ADAMTS12: variants seen among roughly 807,000 people sequenced by gnomAD.
ADAMTS12 encodes the protein A disintegrin and metalloproteinase with thrombospondin motifs 12.
ADAMTS12 carries 118 observed loss-of-function variants against 167.8 expected under a neutral mutation model. The observed-to-expected ratio is 0.70, with a 90% confidence interval of 0.61 to 0.82. The LOEUF is 0.82. Among genes scored for constraint, ADAMTS12 ranks in the 40% least tolerant of loss-of-function variants. The probability of loss-of-function intolerance (pLI) is 0.00; values close to 1 mark genes in which losing one functional copy is unlikely to be tolerated. For missense variants in ADAMTS12, 1,916 were observed against 1,998.8 expected (o/e 0.96, Z 0.79); for synonymous variants, 704 against 716.9 (o/e 0.98, Z 0.29).
At chr5:33,548,879 G>A (rs979155356) in intron 21 of ADAMTS12, among the ~76,000 whole-genome samples, 4 of 152,166 alleles carry the variant, frequency 2.6e-5, no homozygotes, top group South Asian at 2.1e-4. Context: ...CATCAGATTC[G>A]TCCTTGTTCA....
intron 3 of ADAMTS12, among the ~76,000 whole-genome samples, chr5:33,737,110 C>T (rs940427199): frequency 6.6e-6 from 1 of 152,124 alleles, no homozygotes. Context: ...CAAGTACCTG[C>T]GTTCTGTTTG....
chr5:33,838,947 A>G (rs1748636260), intron 2 of ADAMTS12, among the ~76,000 whole-genome samples: 1 of 152,210 alleles, frequency 6.6e-6, no homozygotes, highest in Admixed American at 6.5e-5. Context: ...CTTCTGCTGG[A>G]TAAAAAACGA....
chr5:33,709,078 T>C (rs1211174519), intron 3 of ADAMTS12, among the ~76,000 whole-genome samples: 1 of 152,132 alleles, frequency 6.6e-6, no homozygotes, highest in Non-Finnish European at 1.5e-5. Context: ...AGAAGACATT[T>C]ATGCAGCCAA....
intron 2 of ADAMTS12, among the ~76,000 whole-genome samples, chr5:33,873,093 G>A (rs984737727): frequency 6.7e-6 from 1 of 148,802 alleles, no homozygotes; most frequent in East Asian, 2.0e-4. Context: ...ACAAGAAAAG[G>A]AAATATAAGT....
At chr5:33,535,313 T>C (rs1297765230) in intron 22 of ADAMTS12, among the ~76,000 whole-genome samples, 2 of 152,176 alleles carry the variant, frequency 1.3e-5, no homozygotes, top group Non-Finnish European at 2.9e-5. Context: ...GGAACCTACG[T>C]TGGTGCCGTT....
chr5:33,720,680 C>T (rs1213167088), intron 3 of ADAMTS12, among the ~76,000 whole-genome samples: 2 of 152,160 alleles, frequency 1.3e-5, no homozygotes, highest in African/African-American at 4.8e-5. Context: ...AGTTTGTCAT[C>T]CTGGTCCTAG....
intron 9 of ADAMTS12, among the ~76,000 whole-genome samples, chr5:33,644,218 C>T (rs1740579375): frequency 6.6e-6 from 1 of 152,166 alleles, no homozygotes; most frequent in Non-Finnish European, 1.5e-5. Context: ...TTTTGCCTCT[C>T]CTTTCTCTCC....
At chr5:33,849,469 ATATG>A (rs1205182219) in intron 2 of ADAMTS12, among the ~76,000 whole-genome samples, 21 of 143,256 alleles carry the variant, frequency 1.5e-4, no homozygotes, top group African/African-American at 5.7e-4. Flanking sequence ...CAATATATAT[ATATG>A]TATTGCACAG....
intron 2 of ADAMTS12, among the ~76,000 whole-genome samples, chr5:33,857,246 GC>G (rs1435898572): frequency 6.6e-6 from 1 of 152,158 alleles, no homozygotes; most frequent in Non-Finnish European, 1.5e-5. Flanking sequence ...AATGGTGGTT[GC>G]CAGAGCCTGG....
chr5:33,806,109 T>A (rs1030429116), intron 2 of ADAMTS12, among the ~76,000 whole-genome samples: 3 of 152,238 alleles, frequency 2.0e-5, no homozygotes, highest in Admixed American at 2.0e-4. Context: ...TATTCTTCCA[T>A]CTACTAGCTA....
intron 3 of ADAMTS12, among the ~76,000 whole-genome samples, chr5:33,704,929 T>A (rs186948087): frequency 1.2e-4 from 18 of 152,258 alleles, no homozygotes; most frequent in African/African-American, 3.4e-4. Flanking sequence ...TTTAGAAATG[T>A]TTTTTTCCTA....
At chr5:33,537,476 C>T (rs1744473582) in intron 22 of ADAMTS12, among the ~76,000 whole-genome samples, 1 of 152,188 alleles carries the variant, frequency 6.6e-6, no homozygotes, top group South Asian at 2.1e-4. Context: ...TGGCAAGAAA[C>T]TGAGGCTGAG....
intron 2 of ADAMTS12, among the ~76,000 whole-genome samples, chr5:33,829,041 A>G (rs759435750): frequency 7.9e-5 from 12 of 152,142 alleles, no homozygotes; most frequent in Non-Finnish European, 1.6e-4. Flanking sequence ...CATACACACC[A>G]TACTGCTCTG....
intron 2 of ADAMTS12, among the ~76,000 whole-genome samples, chr5:33,802,316 G>A (rs761813467): frequency 6.6e-6 from 1 of 152,232 alleles, no homozygotes; most frequent in African/African-American, 2.4e-5. Context: ...AGTTGTTACT[G>A]TGTTGAACTC....
intron 3 of ADAMTS12, among the ~76,000 whole-genome samples, chr5:33,727,029 G>A (rs139227523): frequency 6.6e-6 from 1 of 152,212 alleles, no homozygotes; most frequent in Non-Finnish European, 1.5e-5. Flanking sequence ...AGTCGAGTCA[G>A]CTCACCGCCT....
At chr5:33,728,748 C>CA (rs1166384668) in intron 3 of ADAMTS12, among the ~76,000 whole-genome samples, 1 of 152,226 alleles carries the variant, frequency 6.6e-6, no homozygotes, top group Non-Finnish European at 1.5e-5. Flanking sequence ...GGAAGGCCAT[C>CA]AGAACAGTCA....
At chr5:33,633,615 C>A (rs1740059092) in intron 12 of ADAMTS12, among the ~76,000 whole-genome samples, 1 of 152,042 alleles carries the variant, frequency 6.6e-6, no homozygotes, top group Non-Finnish European at 1.5e-5. Flanking sequence ...TGAAGTCCTC[C>A]TCTGTCCCCT....
At chr5:33,570,434 C>T (rs893987953) in intron 19 of ADAMTS12, among the ~76,000 whole-genome samples, 19 of 152,008 alleles carry the variant, frequency 1.2e-4, no homozygotes, top group African/African-American at 4.1e-4. Context: ...AGAGTGGGGG[C>T]CAATATTCAA....
chr5:33,857,245 T>C (rs1749437338), intron 2 of ADAMTS12, among the ~76,000 whole-genome samples: 1 of 152,154 alleles, frequency 6.6e-6, no homozygotes, highest in African/African-American at 2.4e-5. Flanking sequence ...GAATGGTGGT[T>C]GCCAGAGCCT....
Sources: gnomAD v4.1 joint callset for allele counts (sites outside exome capture counted in the v4.1 genomes callset) on GRCh38, gnomAD v4.1.1 for gene constraint, MANE v1.5 for transcripts, NCBI Gene and HGNC (gene_info 2026-07-23, HGNC 2026-07-21) for gene names.